TASOR: variants seen among roughly 807,000 people sequenced by gnomAD.
TASOR encodes the protein transcription activation suppressor.
A neutral mutation model predicts 178.6 loss-of-function variants in TASOR; 53 were observed. The observed-to-expected ratio is 0.30, with a 90% confidence interval of 0.24 to 0.37. The LOEUF (loss-of-function observed/expected upper bound fraction) is 0.37. Ranked by LOEUF, TASOR falls within the 10% of genes least tolerant of loss-of-function variation. The pLI is 1.00. For missense variants in TASOR, 1,815 were observed against 1,971.4 expected, an observed-to-expected ratio of 0.92 and a Z score of 1.50; for synonymous variants, 713 against 696.2, an observed-to-expected ratio of 1.02 and a Z score of -0.38.
intron 11 of TASOR, among the ~76,000 whole-genome samples, chr3:56,660,255 G>A (rs1318833315): frequency 6.6e-6 from 1 of 151,848 alleles, no homozygotes; most frequent in African/African-American, 2.4e-5. Flanking sequence ...ACTTTGGGAG[G>A]CTGAGGCGGG....
intron 14 of TASOR, among the ~76,000 whole-genome samples, chr3:56,642,336 A>T (rs1006863531): frequency 6.6e-6 from 1 of 152,250 alleles, no homozygotes. Flanking sequence ...AAAAAGTATT[A>T]TAAGAGGAAA....
chr3:56,646,139 C>A (rs1014020111), intron 14 of TASOR, among the ~76,000 whole-genome samples: 1 of 152,110 alleles, frequency 6.6e-6, no homozygotes, highest in African/African-American at 2.4e-5. Context: ...GACATCAAGA[C>A]TCCGTCTCAA....
rs538773049 is a variant in TASOR at position 56,628,612 on chromosome 3, T to G, written c.3750A>C (p.Glu1250Asp). Residue 1250 changes from glutamate (E) to aspartate (D), a missense_variant and splice_region_variant, in exon 19 of 24, where the codon GAA (glutamate) becomes GAC (aspartate). Around this residue, in one of 5 missense-constraint regions of TASOR, gnomAD observed 655 missense variants for 671.1 expected, o/e 0.98. Coordinates refer to ENST00000683822, the MANE Select transcript of TASOR (RefSeq NM_001365635.2). ...EESVLCKEIK[E>D]YLIKLGNTEC... ...CTGTATTGCCTAATTTGATAAGATA[T>G]TCCTGTTAAAGAAAAACAACTAAAT... 2 of 1,539,298 alleles carry G rather than the reference T, an allele frequency of 1.3e-6. No homozygotes were observed. Among genetic ancestry groups the G allele is most frequent in the South Asian group, 2.4e-5 (2 of 82,966 alleles).
chr3:56,676,280 A>G (rs2031288893), intron 1 of TASOR, among the ~76,000 whole-genome samples: 1 of 152,238 alleles, frequency 6.6e-6, no homozygotes, highest in Non-Finnish European at 1.5e-5. Context: ...TGGTAACAAT[A>G]TATTCTACTA....
intron 1 of TASOR, among the ~76,000 whole-genome samples, chr3:56,681,409 T>C (rs1233302854): frequency 6.6e-6 from 1 of 152,222 alleles, no homozygotes; most frequent in South Asian, 2.1e-4. Flanking sequence ...ACATTCCTCA[T>C]GCTAATTTCC....
rs944205767 is a variant in TASOR, at chr3:56,623,136, G to A, written c.4914C>T (p.Phe1638=). Residue 1638 remains phenylalanine, a synonymous_variant, in exon 24 of 24, where the codon TTC becomes TTT. Transcript: ENST00000683822. ...CCAAGCTTTCAGTATAAGCAGATAA[G>A]AAGTAATTCTCATTTTCTTGAGACT... The part of the protein sequence containing the change: ...SSQSQENENY[F]LSAYTESLDR... The A allele has an allele frequency of 1.2e-6, 2 of 1,613,656 alleles. No homozygotes were observed. Among genetic ancestry groups the A allele is most frequent in the Non-Finnish European group, 1.7e-6 (2 of 1,179,714 alleles).
Position 56,633,831 on chromosome 3 carries a change from C to A in TASOR, c.2960G>T (p.Gly987Val). ...PSSPFTDTLK[G>V]TTEDDVLTGQ... is the part of the protein sequence containing the mutation. ...TGTCAACACGTCATCCTCAGTGGTG[C>A]CCTTTAGTGTGTCTGTAAATGGAGA... is the stretch of plus-strand genomic sequence containing the variant. The change falls in exon 18 of 24, where the codon GGC (glycine) becomes GTC (valine). Residue 987 changes from glycine (G) to valine (V), a missense_variant. Gly to Val is a moderately radical substitution (Grantham distance 109, BLOSUM62 -3). Coordinates refer to ENST00000683822, the MANE Select transcript of TASOR (RefSeq NM_001365635.2). 6.2e-7 allele frequency: 1 copy of A among 1,613,982 alleles called. No individual in the cohort carries two copies.
In TASOR at chr3:56,683,013, G is replaced by A. The variant is rs2031944835; in HGVS notation, c.-7C>T. The stretch of plus-strand genomic sequence containing the variant: ...TCTCCACAGCAGTCGCCATCGCGCC[G>A]GCCTAAGGAGCTCTGGGAAGCTTCT... On this transcript the variant is annotated 5_prime_UTR_variant, in exon 1 of 24. Coordinates refer to ENST00000683822, the MANE Select transcript of TASOR (RefSeq NM_001365635.2). The A allele has an allele frequency of 2.6e-6, 4 of 1,530,746 alleles. No homozygotes were observed. The highest frequency in any genetic ancestry group is 1.2e-5 in the South Asian group (1 of 81,972). The allele number at this position is 1,530,746 out of a possible 1,614,324, so 94.8% of individuals were successfully genotyped here.
Position 56,623,341 on chromosome 3 carries a change from T to G in TASOR, c.4709A>C (p.Glu1570Ala). The G allele has an allele frequency of 6.2e-7, 1 of 1,613,628 alleles. No individual in the cohort carries two copies. The highest frequency in any genetic ancestry group is 8.5e-7 in the Non-Finnish European group (1 of 1,179,964). The change falls in exon 24 of 24, where the codon GAG becomes GCG. Residue 1570 changes from glutamate (E) to alanine (A), a missense_variant. This residue lies in a region of TASOR where 278 missense variants were observed against 257.1 expected (regional missense o/e 1.08). Coordinates refer to ENST00000683822, the MANE Select transcript of TASOR (RefSeq NM_001365635.2). ...LEDKTYLDSE[E>A]RTSIDIVCSE... ...GCATACTATATCAATAGAAGTTCTC[T>G]CTTCAGAATCAAGGTAAGTCTTATC... is the stretch of plus-strand genomic sequence containing the variant.
intron 11 of TASOR, among the ~76,000 whole-genome samples, chr3:56,657,199 G>A (rs1486513979): frequency 6.7e-6 from 1 of 148,408 alleles, no homozygotes; most frequent in Non-Finnish European, 1.5e-5. Context: ...ATGGTGGCAG[G>A]CGCCTGTAAT....
In TASOR at chr3:56,682,914, A is replaced by G. The variant is rs1228552108; in HGVS notation, c.93T>C (p.Leu31=). ...TTTGTTGGGAGGACTCAAGCTCCGG[A>G]AGCGCCTGCTTCATCTCGTCGTCTC... The part of the protein sequence containing the change: ...GGGDDEMKQA[L]PELESSQQNG... Residue 31 remains leucine (L), a synonymous_variant, in exon 1 of 24, where the codon CTT becomes CTC. Coordinates refer to ENST00000683822, the MANE Select transcript of TASOR (RefSeq NM_001365635.2). 1 of 1,539,384 alleles carries G rather than the reference A, an allele frequency of 6.5e-7. No homozygotes were observed. The highest frequency in any genetic ancestry group is 8.8e-7 in the Non-Finnish European group (1 of 1,137,646).
Position 56,624,813 on chromosome 3 carries a change from G to C in TASOR, c.4318+15C>G, listed in dbSNP as rs768301507. On this transcript the variant is annotated intron_variant, in intron 22 of 23. Transcript: ENST00000683822. Reference sequence around the variant, plus strand: ...CCTATATTCATAGTAGAAAGCTTAGGAGTGCTCTCTTTACCTGTTAAAAAG... The same window carrying C: ...CCTATATTCATAGTAGAAAGCTTAGCAGTGCTCTCTTTACCTGTTAAAAAG... The C allele has an allele frequency of 1.2e-6, 2 of 1,612,568 alleles. No homozygotes were observed. The highest frequency in any genetic ancestry group is 4.5e-5 in the East Asian group (2 of 44,862).
chr3:56,662,370 T>G lies in TASOR; in HGVS notation c.1160+15A>C, dbSNP rs1559845123. 2.8e-6 allele frequency: 4 copies of G among 1,414,188 alleles called. No homozygotes were observed. In the Admixed American group the frequency reaches 8.0e-5, roughly 28 times the overall value. 87.6% of individuals were successfully genotyped at this position (1,414,188 alleles called of 1,614,324 possible). ...TAAAATTAGCAACCACGAACTGCTC[T>G]TTACTTATACTTACAGTTTGATAGG... On this transcript the variant is annotated intron_variant, in intron 9 of 23. Coordinates refer to ENST00000683822, the MANE Select transcript of TASOR (RefSeq NM_001365635.2).
rs1230310927 is a variant in TASOR at position 56,682,972 on chromosome 3, G to A, written c.35C>T (p.Pro12Leu). 1.0e-5 allele frequency: 16 copies of A among 1,549,150 alleles called. No individual in the cohort carries two copies. The highest frequency in any genetic ancestry group is 1.4e-5 in the Non-Finnish European group (16 of 1,146,190). ...ATAVETEACQ[P>L]TDASWESGGG... ...GCCACTTTCCCAACTCGCATCCGTCGGCTGACAGGCCTCCGTCTCCACAGC... is the reference window on the plus strand; with the variant it reads ...GCCACTTTCCCAACTCGCATCCGTCAGCTGACAGGCCTCCGTCTCCACAGC... Residue 12 changes from proline (P) to leucine (L), a missense_variant, in exon 1 of 24, where the codon CCG becomes CTG. Coordinates refer to ENST00000683822, the MANE Select transcript of TASOR (RefSeq NM_001365635.2).
intron 6 of TASOR, among the ~76,000 whole-genome samples, chr3:56,667,922 G>A (rs534296552): frequency 3.9e-5 from 6 of 152,186 alleles, no homozygotes; most frequent in African/African-American, 1.4e-4. Flanking sequence ...ATAGTTCTAG[G>A]TTTGCATCTT....
rs199501488 is a variant in TASOR, at chr3:56,646,652, C to T, written c.2085G>A (p.Val695=). The T allele has an allele frequency of 3.3e-5, 53 of 1,613,662 alleles. No homozygotes were observed. In the East Asian group the frequency reaches 1.2e-3, roughly 36 times the overall value. Residue 695 remains valine, a synonymous_variant, in exon 14 of 24, where the codon GTG becomes GTA. Coordinates refer to ENST00000683822, the MANE Select transcript of TASOR (RefSeq NM_001365635.2). ...INLIQCRKKS[V]GGDSDTEDMR... ...TATCTTCTGTGTCTGAGTCCCCACC[C>T]ACACTCTTTTTCCTACACTGAATTA...
At chr3:56,638,918 C>T (rs1403733401) in intron 16 of TASOR, among the ~76,000 whole-genome samples, 153 bp from the exon 17 acceptor site, 2 of 152,204 alleles carry the variant, frequency 1.3e-5, no homozygotes, top group Non-Finnish European at 2.9e-5. Context: ...AATATCAACA[C>T]TTAAGACATT....
rs191268223 is a variant in TASOR, at chr3:56,665,795, C to A, written c.1022+465G>T. 1.5e-3 allele frequency among the ~76,000 whole-genome samples: 234 copies of A among 152,152 alleles called. 1 individual carries two copies. The highest frequency in any genetic ancestry group is 5.4e-3 in the African/African-American group (226 of 41,566). On this transcript the variant is annotated intron_variant, in intron 7 of 23. Coordinates refer to ENST00000683822, the MANE Select transcript of TASOR (RefSeq NM_001365635.2). ...GACCATCCTGGGTAACACAGTGAAACCCCGTCTCTACTAAAAATACAAAAA... is the reference window on the plus strand; with the variant it reads ...GACCATCCTGGGTAACACAGTGAAAACCCGTCTCTACTAAAAATACAAAAA...
rs1271604921 is a variant in TASOR at position 56,668,496 on chromosome 3, C to G, written c.798G>C (p.Lys266Asn). The change falls in exon 6 of 24, where the codon AAG (lysine) becomes AAC (asparagine). Residue 266 changes from lysine (K) to asparagine (N), a missense_variant. Physicochemically the swap from Lys to Asn is moderately conservative, Grantham distance 94. This residue lies in a region of TASOR where 504 missense variants were observed against 645.3 expected (regional missense o/e 0.78). Coordinates refer to ENST00000683822, the MANE Select transcript of TASOR (RefSeq NM_001365635.2). ...GVKSLESMLN[K>N]SALDPTPKHE... is the part of the protein sequence containing the mutation. ...GCTTTGGTGTGGGGTCCAAAGCACT[C>G]TTATTTAACATAGATTCCAAACTTT... 6.4e-7 allele frequency: 1 copy of G among 1,551,474 alleles called. No homozygotes were observed. The highest frequency in any genetic ancestry group is 8.7e-7 in the Non-Finnish European group (1 of 1,146,788).
Sources: gnomAD v4.1 joint callset for allele counts (sites outside exome capture counted in the v4.1 genomes callset) on GRCh38, gnomAD v4.1.1 for gene constraint, gnomAD v4.1.1 regional missense constraint, MANE v1.5 for transcripts, NCBI Gene and HGNC (gene_info 2026-07-23, HGNC 2026-07-21) for gene names.